Variants in MTHFD2L observed in about 807,000 individuals in gnomAD.
MTHFD2L encodes methylenetetrahydrofolate dehydrogenase (NADP+ dependent) 2 like, also known as bifunctional methylenetetrahydrofolate dehydrogenase/cyclohydrolase 2, mitochondrial.
Under a neutral mutation model 34.9 loss-of-function variants are expected in MTHFD2L, and 29 were observed. That is an observed-to-expected ratio of 0.83 (90% CI 0.62 to 1.13). MTHFD2L has a LOEUF of 1.13. Among genes scored for constraint, MTHFD2L ranks in the 50% most tolerant of loss-of-function variants. The pLI is 0.00. For missense variants in MTHFD2L, 481 were observed against 446.5 expected (o/e 1.08, Z -0.70); for synonymous variants, 167 against 155.7 (o/e 1.07, Z -0.54).
At chr4:74,188,526 C>T (rs1313866304) in intron 3 of MTHFD2L, among the ~76,000 whole-genome samples, 2 of 151,968 alleles carry the variant, frequency 1.3e-5, no homozygotes, top group Admixed American at 6.6e-5. Flanking sequence ...ATATGAATTT[C>T]GGGGGGACAT....
chr4:74,119,549 C>T (rs188753125), upstream of MTHFD2L, among the ~76,000 whole-genome samples: 42 of 152,200 alleles, frequency 2.8e-4, no homozygotes, highest in Non-Finnish European at 4.3e-4. Flanking sequence ...TTTGGGAGGC[C>T]GAGGCGGGCG....
chr4:74,250,459 C>T (rs551318807), intron 6 of MTHFD2L, among the ~76,000 whole-genome samples: 1 of 151,994 alleles, frequency 6.6e-6, no homozygotes, highest in Non-Finnish European at 1.5e-5. Flanking sequence ...AATGTAGACT[C>T]CATTAGGGAA....
At chr4:74,290,141 T>C (rs1445251023) in intron 7 of MTHFD2L, among the ~76,000 whole-genome samples, 1 of 152,184 alleles carries the variant, frequency 6.6e-6, no homozygotes, top group Non-Finnish European at 1.5e-5. Flanking sequence ...AAATCTCCCC[T>C]ATAAAGGGAC....
At chr4:74,249,561 G>A (rs1390201781) in intron 6 of MTHFD2L, among the ~76,000 whole-genome samples, 1 of 152,072 alleles carries the variant, frequency 6.6e-6, no homozygotes, top group Non-Finnish European at 1.5e-5. Context: ...AGTTGATGCA[G>A]TTTCTTCCTA....
intron 6 of MTHFD2L, among the ~76,000 whole-genome samples, chr4:74,254,645 C>T (rs1743763165): frequency 6.7e-6 from 1 of 148,200 alleles, no homozygotes; most frequent in African/African-American, 2.5e-5. Context: ...AAAAGAAATG[C>T]TAAATTGAGT....
chr4:74,276,095 G>T (rs1181995304), intron 6 of MTHFD2L, among the ~76,000 whole-genome samples: 3 of 152,098 alleles, frequency 2.0e-5, no homozygotes. Context: ...AGAATTGGAT[G>T]ATTATAATAT....
chr4:74,175,759 C>T (rs540949490), intron 3 of MTHFD2L, among the ~76,000 whole-genome samples: 72 of 152,148 alleles, frequency 4.7e-4, no homozygotes, highest in Non-Finnish European at 9.1e-4. Flanking sequence ...ATTGAAAACT[C>T]TCCTACTGTG....
intron 6 of MTHFD2L, among the ~76,000 whole-genome samples, chr4:74,260,717 A>C (rs1744570662): frequency 6.6e-6 from 1 of 152,166 alleles, no homozygotes. Context: ...TACGATAGTC[A>C]TATCAAAACA....
At chr4:74,301,627 A>T (rs1018588913) in intron 7 of MTHFD2L, 70 bp from the exon 8 acceptor site, 2 of 909,452 alleles carry the variant, frequency 2.2e-6, no homozygotes, top group African/African-American at 3.4e-5. Context: ...TATATTCAGC[A>T]TGTTTAAAAA....
At chr4:74,217,497 A>AT (rs1737395147) in intron 5 of MTHFD2L, among the ~76,000 whole-genome samples, 1 of 151,310 alleles carries the variant, frequency 6.6e-6, no homozygotes, top group Non-Finnish European at 1.5e-5. Context: ...CCTTCCTGTG[A>AT]TTTTCTCTCA....
chr4:74,171,992 A>G (rs1488434594), intron 1 of MTHFD2L, among the ~76,000 whole-genome samples: 1 of 152,228 alleles, frequency 6.6e-6, no homozygotes, highest in Non-Finnish European at 1.5e-5. Context: ...TAAAAAAGAA[A>G]TGAACCATTC....
Position 74,225,404 on chromosome 4 carries a change from T to C in MTHFD2L, c.805+10T>C. On this transcript the variant is annotated intron_variant, in intron 6 of 7. Coordinates refer to ENST00000325278, the MANE Select transcript of MTHFD2L (RefSeq NM_001144978.3). The stretch of plus-strand genomic sequence containing the variant: ...ATCATAGTTGCTGCAGGTAAGTCCT[T>C]AGTGACTGTTATTTTTTGGAATGTC... 1 of 1,602,724 alleles carries C rather than the reference T, an allele frequency of 6.2e-7. No homozygotes were observed. Among genetic ancestry groups the C allele is most frequent in the Non-Finnish European group, 8.5e-7 (1 of 1,171,542 alleles).
intron 1 of MTHFD2L, 32 bp from the exon 2 acceptor site, chr4:74,174,474 C>G: frequency 7.3e-7 from 1 of 1,361,768 alleles, no homozygotes. Context: ...TTCTTATTTT[C>G]TTTTTAGTAT....
chr4:74,127,060 C>T (rs552709535), intron 1 of MTHFD2L, among the ~76,000 whole-genome samples: 6 of 152,232 alleles, frequency 3.9e-5, no homozygotes, highest in East Asian at 1.9e-4. Flanking sequence ...CCTGCCGCTC[C>T]GTGAAGAGGT....
intron 1 of MTHFD2L, among the ~76,000 whole-genome samples, chr4:74,164,635 A>G (rs1184099409): frequency 6.6e-6 from 1 of 152,258 alleles, no homozygotes; most frequent in Non-Finnish European, 1.5e-5. Flanking sequence ...TGTAAGGTCA[A>G]CAAGAGAGTA....
At chr4:74,117,024 G>A (rs1374104798) in intron 2 of MTHFD2L, among the ~76,000 whole-genome samples, 1 of 152,250 alleles carries the variant, frequency 6.6e-6, no homozygotes. Flanking sequence ...GGCAATAGCT[G>A]ATTTATCCTC....
chr4:74,228,070 A>G (rs769517491), intron 6 of MTHFD2L, among the ~76,000 whole-genome samples: 14 of 152,220 alleles, frequency 9.2e-5, no homozygotes, highest in Non-Finnish European at 1.6e-4. Flanking sequence ...AAAAAAAATC[A>G]GTAAGCTGGT....
At chr4:74,128,171 A>G (rs1041010170) in intron 1 of MTHFD2L, among the ~76,000 whole-genome samples, 2 of 152,088 alleles carry the variant, frequency 1.3e-5, no homozygotes, top group African/African-American at 4.8e-5. Context: ...TGGATAGTTT[A>G]TAAAAATTTT....
At position 74,199,868 on chromosome 4, in the gene MTHFD2L, A is replaced by T; in HGVS notation, c.526A>T (p.Ile176Phe). The T allele has an allele frequency of 6.2e-7, 1 of 1,613,936 alleles. No homozygotes were observed. Among genetic ancestry groups the T allele is most frequent in the Non-Finnish European group, 8.5e-7 (1 of 1,179,870 alleles). ...KDVDGFHIIN[I>F]GRLCLDQHSL... ...TGTAGATGGATTTCATATTATCAAT[A>T]TTGGAAGATTGTGCCTTGATCAGCA... is the stretch of plus-strand genomic sequence containing the variant. Residue 176 changes from isoleucine (I) to phenylalanine (F), a missense_variant, in exon 4 of 8, where the codon ATT (isoleucine) becomes TTT (phenylalanine). By Grantham distance (21) the Ile-to-Phe change is conservative (BLOSUM62 0). Coordinates refer to ENST00000325278, the MANE Select transcript of MTHFD2L (RefSeq NM_001144978.3).
Sources: allele counts gnomAD v4.1 joint callset (sites outside exome capture counted in the v4.1 genomes callset), GRCh38; gene constraint gnomAD v4.1.1; transcripts MANE v1.5; gene names NCBI Gene and HGNC (gene_info 2026-07-23, HGNC 2026-07-21).